The following CAST variants were observed in gnomAD, a reference collection of about 807,000 sequenced individuals.
The protein encoded by CAST is calpastatin.
CAST carries 76 observed loss-of-function variants against 119.6 expected under a neutral mutation model. That is an observed-to-expected ratio of 0.64 (90% confidence interval 0.53 to 0.77). CAST has a LOEUF of 0.77. CAST is among the 30% of genes least tolerant of loss of function. CAST has a pLI of 0.00. For missense variants in CAST, 953 were observed against 946.5 expected (o/e 1.01, Z -0.09); for synonymous variants, 319 against 331.6 (o/e 0.96, Z 0.41).
At chr5:96,722,115 A>G (rs1029499377) in intron 3 of CAST, among the ~76,000 whole-genome samples, 2 of 152,204 alleles carry the variant, frequency 1.3e-5, no homozygotes, top group African/African-American at 4.8e-5. Flanking sequence ...ATTTTGCCAC[A>G]CTATCTCAAA....
chr5:96,131,892 A>G, the CAST span, among the ~76,000 whole-genome samples: 1 of 152,182 alleles, frequency 6.6e-6, no homozygotes, highest in African/African-American at 2.4e-5. Context: ...GTTGGCAGCC[A>G]TGGGACATGT....
intron 1 of CAST, among the ~76,000 whole-genome samples, chr5:96,630,702 C>A (rs1302814394): frequency 6.6e-6 from 1 of 152,110 alleles, no homozygotes. Flanking sequence ...GGGAGGATTG[C>A]TTGAACCTGG....
chr5:96,076,571 T>C, the CAST span, among the ~76,000 whole-genome samples: 2 of 152,204 alleles, frequency 1.3e-5, no homozygotes, highest in Admixed American at 6.5e-5. Context: ...ATCCTTACCA[T>C]AATGGGCTGC....
the CAST span, among the ~76,000 whole-genome samples, chr5:96,349,050 CAT>C: frequency 6.7e-6 from 1 of 149,432 alleles, no homozygotes; most frequent in Non-Finnish European, 1.5e-5. Context: ...AAGGAGAAAA[CAT>C]AGAACATTAC....
At chr5:96,094,547 A>T in the CAST span, among the ~76,000 whole-genome samples, 3 of 152,246 alleles carry the variant, frequency 2.0e-5, no homozygotes, top group Non-Finnish European at 1.5e-5. Context: ...AGTCTTTCTA[A>T]TGCCAGCAAA....
chr5:95,963,102 T>C, the CAST span, among the ~76,000 whole-genome samples: 10 of 152,182 alleles, frequency 6.6e-5, no homozygotes, highest in Non-Finnish European at 1.5e-4. Context: ...ATTGAAAGCT[T>C]TCAAACTGTT....
chr5:96,149,398 T>C, the CAST span, among the ~76,000 whole-genome samples: 4 of 152,344 alleles, frequency 2.6e-5, no homozygotes, highest in South Asian at 8.3e-4. Context: ...ACCATCCCTA[T>C]GCACTTGGTC....
chr5:96,231,032 G>A, the CAST span, among the ~76,000 whole-genome samples: 2 of 152,032 alleles, frequency 1.3e-5, no homozygotes, highest in Non-Finnish European at 2.9e-5. Context: ...CTTTCCCGGT[G>A]GGAAAAAGTA....
chr5:96,743,418 G>C, intron 16 of CAST: 1 of 506,104 alleles, frequency 2.0e-6, no homozygotes, highest in South Asian at 3.4e-5. Flanking sequence ...GCCGGTTCCT[G>C]ACAAGGCAGT....
At chr5:96,465,695 G>T in the CAST span, among the ~76,000 whole-genome samples, 1 of 152,070 alleles carries the variant, frequency 6.6e-6, no homozygotes, top group Non-Finnish European at 1.5e-5. Context: ...TATGTTGTAG[G>T]TGTTTAGAGA....
At chr5:96,675,491 A>G (rs751838122) in intron 1 of CAST, 48 bp from the exon 2 acceptor site, 1 of 1,325,994 alleles carries the variant, frequency 7.5e-7, no homozygotes, top group Admixed American at 1.7e-5. Context: ...AGTTACTGTC[A>G]TCTGTGTCAT....
chr5:96,381,938 A>T, the CAST span, among the ~76,000 whole-genome samples: 5 of 152,214 alleles, frequency 3.3e-5, no homozygotes, highest in African/African-American at 1.2e-4. Context: ...TGGCATTCTT[A>T]TGATCCAGTG....
At chr5:96,028,443 T>C in the CAST span, among the ~76,000 whole-genome samples, 5 of 152,020 alleles carry the variant, frequency 3.3e-5, no homozygotes, top group Non-Finnish European at 7.4e-5. Flanking sequence ...CCAAGCTTAA[T>C]GATGTATTTC....
the CAST span, among the ~76,000 whole-genome samples, chr5:96,017,679 A>G: frequency 9.8e-5 from 15 of 152,306 alleles, no homozygotes; most frequent in African/African-American, 3.1e-4. Context: ...TTGCTATTGT[A>G]AAGACTGAGG....
chr5:96,409,258 T>G, the CAST span, among the ~76,000 whole-genome samples: 3 of 152,228 alleles, frequency 2.0e-5, no homozygotes, highest in Middle Eastern at 3.4e-3. Flanking sequence ...AAGTTCTAGC[T>G]CGAGATTTCG....
At chr5:96,635,627 G>A (rs1288259078) in intron 1 of CAST, among the ~76,000 whole-genome samples, 2 of 152,188 alleles carry the variant, frequency 1.3e-5, no homozygotes, top group Admixed American at 6.5e-5. Context: ...GTGTACTGAA[G>A]TATCTCTCAT....
chr5:96,104,172 C>A, the CAST span, among the ~76,000 whole-genome samples: 1 of 152,068 alleles, frequency 6.6e-6, no homozygotes, highest in Admixed American at 6.5e-5. Context: ...AATTTTCGCC[C>A]ATTTTGTAGG....
At chr5:96,664,752 A>G (rs1208851623) in intron 1 of CAST, among the ~76,000 whole-genome samples, 1 of 152,220 alleles carries the variant, frequency 6.6e-6, no homozygotes, top group Non-Finnish European at 1.5e-5. Context: ...AAGAATTTGG[A>G]ATTCCAATTT....
At position 96,743,866 on chromosome 5, in the gene CAST, G is replaced by A. The variant is rs372161991; in HGVS notation, c.1200+1110G>A. On this transcript the variant is annotated intron_variant, in intron 16 of 31. Coordinates refer to ENST00000675179, the MANE Select transcript of CAST (RefSeq NM_001750.7). ...AGCGGGGTGTTGGCAGAATCCTGGG[G>A]GGAGTCAGGAGGCCAAGCTGAGTTG... is the stretch of plus-strand genomic sequence containing the variant. 3.3e-4 allele frequency: 233 copies of A among 696,268 alleles called. No homozygotes were observed. The African/African-American group carries it at 3.9e-3, about 12-fold the overall frequency. The allele number at this position is 696,268 out of a possible 1,614,324, so 43.1% of individuals were successfully genotyped here.
Sources: allele counts gnomAD v4.1 joint callset (sites outside exome capture counted in the v4.1 genomes callset), GRCh38; gene constraint gnomAD v4.1.1; transcripts MANE v1.5; gene names NCBI Gene and HGNC (gene_info 2026-07-23, HGNC 2026-07-21).